Variants in C19orf47 observed in about 807,000 individuals in gnomAD.
C19orf47 encodes the protein chromosome 19 open reading frame 47, also known as uncharacterized protein C19orf47.
Under a neutral mutation model 32.3 loss-of-function variants are expected in C19orf47, and 18 were observed. The ratio of observed to expected loss-of-function variants is 0.56; its 90% CI spans 0.39 to 0.83. The LOEUF is 0.83. Ranked by LOEUF, C19orf47 falls within the 40% of genes least tolerant of loss-of-function variation. The probability of loss-of-function intolerance (pLI) is 0.00; values close to 1 mark genes in which losing one functional copy is unlikely to be tolerated. For missense variants in C19orf47, 484 were observed against 531.6 expected (o/e 0.91, Z 0.88); for synonymous variants, 202 against 211.1 (o/e 0.96, Z 0.37).
chr19:40,338,510 G>T (rs2078115091), intron 2 of C19orf47, among the ~76,000 whole-genome samples: 1 of 151,794 alleles, frequency 6.6e-6, no homozygotes, highest in Non-Finnish European at 1.5e-5. Flanking sequence ...TCAGCCTCCT[G>T]AGTAGCTAGG....
chr19:40,318,923 G>A (rs75618534), downstream of C19orf47, among the ~76,000 whole-genome samples: 621 of 152,300 alleles, frequency 4.1e-3, 3 homozygotes, highest in African/African-American at 0.013. Flanking sequence ...GGATGATGGC[G>A]AAGGGTACAC....
At chr19:40,328,636 G>A (rs2077886033) in intron 5 of C19orf47, 86 bp from the exon 6 acceptor site, 6 of 1,483,180 alleles carry the variant, frequency 4.0e-6, no homozygotes, top group Non-Finnish European at 4.5e-6. Flanking sequence ...GATGGAGAAG[G>A]TGAGGCTTGA....
chr19:40,346,254 G>A (rs1366625461), intron 1 of C19orf47, among the ~76,000 whole-genome samples: 1 of 150,136 alleles, frequency 6.7e-6, no homozygotes, highest in Non-Finnish European at 1.5e-5. Flanking sequence ...GACCAGCCTG[G>A]CCAACATAGT....
intron 5 of C19orf47, among the ~76,000 whole-genome samples, chr19:40,330,505 T>G (rs1033403538): frequency 6.7e-6 from 1 of 148,774 alleles, no homozygotes; most frequent in African/African-American, 2.5e-5. Flanking sequence ...CCCAAAATGC[T>G]GGGATTACAG....
chr19:40,330,147 G>A (rs1157249548), intron 5 of C19orf47, among the ~76,000 whole-genome samples: 1 of 152,084 alleles, frequency 6.6e-6, no homozygotes, highest in Non-Finnish European at 1.5e-5. Flanking sequence ...AATGTTTTTA[G>A]AGCATTCTTC....
chr19:40,344,168 G>C (rs2078229426), intron 1 of C19orf47, among the ~76,000 whole-genome samples: 1 of 151,770 alleles, frequency 6.6e-6, no homozygotes, highest in Non-Finnish European at 1.5e-5. Context: ...TTTCCCTCCT[G>C]AATTTTACCA....
chr19:40,311,341 T>C, the C19orf47 span, among the ~76,000 whole-genome samples: 76 of 151,152 alleles, frequency 5.0e-4, no homozygotes, highest in African/African-American at 1.8e-3. Context: ...ATCACGCCAT[T>C]GCACTCCAGC....
rs1991460 is a variant in C19orf47 at position 40,327,162 on chromosome 19, C to T, written c.440-676G>A. ...CCAAGTAGCTGGGATTACAGGCATGCGCCACCACGCCCAGCTAATTTTTGT... is the reference window on the plus strand; with the variant it reads ...CCAAGTAGCTGGGATTACAGGCATGTGCCACCACGCCCAGCTAATTTTTGT... On this transcript the variant is annotated intron_variant, in intron 6 of 8. Coordinates refer to ENST00000683109, the MANE Select transcript of C19orf47 (RefSeq NM_001256441.2). 8.1e-3 allele frequency among the ~76,000 whole-genome samples: 1,230 copies of T among 151,092 alleles called. 11 individuals carry two copies. Among genetic ancestry groups the T allele is most frequent in the Admixed American group, 0.013 (200 of 15,214 alleles).
the C19orf47 span, among the ~76,000 whole-genome samples, chr19:40,308,191 C>G: frequency 6.6e-6 from 1 of 151,678 alleles, no homozygotes; most frequent in Admixed American, 6.6e-5. Context: ...AAGTCTCACT[C>G]TGTCGCCAGG....
downstream of C19orf47, among the ~76,000 whole-genome samples, chr19:40,317,989 G>C (rs565560250): frequency 6.6e-6 from 1 of 152,026 alleles, no homozygotes; most frequent in African/African-American, 2.4e-5. Flanking sequence ...CAAAGTGCTG[G>C]GATTACAGGC....
the C19orf47 span, among the ~76,000 whole-genome samples, chr19:40,314,249 G>A: frequency 2.6e-5 from 4 of 152,220 alleles, no homozygotes; most frequent in South Asian, 8.3e-4. Flanking sequence ...ACAATATGAT[G>A]AAACCCCATC....
chr19:40,337,496 T>G (rs1314525002), intron 2 of C19orf47, among the ~76,000 whole-genome samples: 1 of 151,938 alleles, frequency 6.6e-6, no homozygotes, highest in Non-Finnish European at 1.5e-5. Context: ...AGTAGAACTT[T>G]TTTTCACATT....
rs1600159722 is a variant in C19orf47, at chr19:40,320,422, A to C, written c.*1460T>G. 3.3e-5 allele frequency: 5 copies of C among 152,474 alleles called. No homozygotes were observed. The highest frequency in any genetic ancestry group is 2.0e-4 in the South Asian group (1 of 4,926). 9.4% of individuals were successfully genotyped at this position (152,474 alleles called of 1,614,324 possible). On this transcript the variant is annotated 3_prime_UTR_variant, in exon 9 of 9. Transcript: ENST00000683109. ...CATGCTGGAGGCAGGGCCCACCCTC[A>C]CCCACAGCCACCAGCCTTCTTCCTG... is the stretch of plus-strand genomic sequence containing the variant.
At chr19:40,336,537 C>G in intron 2 of C19orf47, 130 bp from the exon 3 acceptor site, 1 of 773,232 alleles carries the variant, frequency 1.3e-6, no homozygotes, top group Non-Finnish European at 2.1e-6. Flanking sequence ...GAGTGCTCCA[C>G]ACACACATGA....
chr19:40,346,511 T>TA (rs1319215282), intron 1 of C19orf47, among the ~76,000 whole-genome samples: 24 of 135,254 alleles, frequency 1.8e-4, no homozygotes, highest in East Asian at 8.3e-4. Flanking sequence ...AACACCATCT[T>TA]AAAAAAAAAA....
At chr19:40,330,693 T>C (rs1219544362) in intron 5 of C19orf47, among the ~76,000 whole-genome samples, 1 of 151,502 alleles carries the variant, frequency 6.6e-6, no homozygotes, top group Non-Finnish European at 1.5e-5. Flanking sequence ...CACAGCTAAT[T>C]TACTAATTTT....
chr19:40,307,779 T>A, the C19orf47 span, among the ~76,000 whole-genome samples: 1 of 151,718 alleles, frequency 6.6e-6, no homozygotes, highest in Non-Finnish European at 1.5e-5. Context: ...ATTATTACTC[T>A]CATCTTGGTT....
At chr19:40,326,797 G>A (rs1189614005) in intron 6 of C19orf47, among the ~76,000 whole-genome samples, 1 of 152,130 alleles carries the variant, frequency 6.6e-6, no homozygotes, top group African/African-American at 2.4e-5. Context: ...GCTGGGTGGT[G>A]GAAAGGTTCT....
intron 8 of C19orf47, 147 bp downstream of exon 8, chr19:40,323,859 G>A: frequency 4.1e-6 from 4 of 973,272 alleles, no homozygotes; most frequent in East Asian, 2.4e-5. Flanking sequence ...TGGGAAAGCC[G>A]CCAGTGCAAA....
Sources: allele counts gnomAD v4.1 joint callset (sites outside exome capture counted in the v4.1 genomes callset), GRCh38; gene constraint gnomAD v4.1.1; transcripts MANE v1.5; gene names NCBI Gene and HGNC (gene_info 2026-07-23, HGNC 2026-07-21).